SHTN1: variants seen among roughly 807,000 people sequenced by gnomAD.
SHTN1 encodes shootin-1.
SHTN1 carries 42 observed loss-of-function variants against 83.1 expected under a neutral mutation model. The ratio of observed to expected loss-of-function variants is 0.51; its 90% CI spans 0.39 to 0.65. The LOEUF (loss-of-function observed/expected upper bound fraction) is 0.65, where lower values mean the gene tolerates loss of function less well. SHTN1 is among the 30% of genes least tolerant of loss of function. The pLI is 0.00. For synonymous variants in SHTN1, 224 were observed against 247.7 expected (o/e 0.90, Z 0.90); for missense variants, 622 against 737.8 (o/e 0.84, Z 1.82).
At chr10:116,952,535 G>C (rs1190156941) in intron 5 of SHTN1, among the ~76,000 whole-genome samples, 1 of 152,138 alleles carries the variant, frequency 6.6e-6, no homozygotes, top group East Asian at 1.9e-4. Flanking sequence ...GTTAATTCTA[G>C]TAATTTTCTC....
chr10:116,938,204 T>C (rs1461097064), intron 9 of SHTN1, among the ~76,000 whole-genome samples: 1 of 152,078 alleles, frequency 6.6e-6, no homozygotes, highest in African/African-American at 2.4e-5. Flanking sequence ...TTTTGCTCCC[T>C]TGCTGGCGAG....
chr10:117,093,614 C>T (rs912375798), intron 1 of SHTN1, among the ~76,000 whole-genome samples: 3 of 152,104 alleles, frequency 2.0e-5, no homozygotes, highest in Admixed American at 6.5e-5. Context: ...ATTCAAACTC[C>T]GATCTACCCA....
chr10:116,975,699 C>A (rs1211351259), intron 2 of SHTN1, among the ~76,000 whole-genome samples: 2 of 150,408 alleles, frequency 1.3e-5, no homozygotes, highest in African/African-American at 2.4e-5. Context: ...GGAAGAACTG[C>A]AAAAAAAAGA....
At chr10:116,993,437 C>G (rs1316884191) in intron 1 of SHTN1, among the ~76,000 whole-genome samples, 1 of 151,948 alleles carries the variant, frequency 6.6e-6, no homozygotes, top group Non-Finnish European at 1.5e-5. Context: ...CTTAAAACTC[C>G]AAAGATATAG....
chr10:116,939,017 C>G (rs904045810), intron 9 of SHTN1, among the ~76,000 whole-genome samples: 1 of 152,212 alleles, frequency 6.6e-6, no homozygotes, highest in South Asian at 2.1e-4. Flanking sequence ...CCCTGCCCCC[C>G]ACCAAGCTCG....
intron 1 of SHTN1, among the ~76,000 whole-genome samples, chr10:116,998,909 C>CAT (rs201858115): frequency 2.7e-4 from 41 of 151,974 alleles, no homozygotes; most frequent in Admixed American, 6.6e-4. Flanking sequence ...TATATACCAA[C>CAT]ATATATATAT....
chr10:116,982,090 G>A (rs931835196), intron 1 of SHTN1, among the ~76,000 whole-genome samples: 3 of 152,118 alleles, frequency 2.0e-5, no homozygotes, highest in African/African-American at 7.2e-5. Flanking sequence ...AGAAACCCAT[G>A]ATCTTATATT....
chr10:117,102,278 C>T (rs1853605057), intron 1 of SHTN1, among the ~76,000 whole-genome samples: 1 of 152,076 alleles, frequency 6.6e-6, no homozygotes, highest in South Asian at 2.1e-4. Flanking sequence ...TCCTGCAAAC[C>T]AAATCTCAAA....
chr10:116,922,501 T>C (rs1848600293), intron 11 of SHTN1, among the ~76,000 whole-genome samples: 1 of 152,144 alleles, frequency 6.6e-6, no homozygotes, highest in Admixed American at 6.5e-5. Flanking sequence ...CCAGAATACA[T>C]GAACAAGAAT....
At chr10:117,045,114 C>T (rs1333046492) in intron 2 of SHTN1, among the ~76,000 whole-genome samples, 2 of 152,074 alleles carry the variant, frequency 1.3e-5, no homozygotes, top group Admixed American at 6.6e-5. Flanking sequence ...TGTATTATTT[C>T]TGAACTAGGC....
intron 11 of SHTN1, among the ~76,000 whole-genome samples, chr10:116,926,549 A>G (rs1394427534): frequency 6.6e-6 from 1 of 152,234 alleles, no homozygotes; most frequent in Non-Finnish European, 1.5e-5. Context: ...TCAGTAAGGA[A>G]AACTAATGAG....
intron 2 of SHTN1, among the ~76,000 whole-genome samples, chr10:117,041,153 T>A (rs1277997715): frequency 6.6e-6 from 1 of 151,620 alleles, no homozygotes; most frequent in Non-Finnish European, 1.5e-5. Context: ...TACTTATTTC[T>A]GCAGCAAGCT....
intron 1 of SHTN1, among the ~76,000 whole-genome samples, chr10:117,078,298 G>T (rs541493857): frequency 1.8e-4 from 28 of 152,266 alleles, no homozygotes; most frequent in Non-Finnish European, 3.5e-4. Context: ...TACAAGGATG[G>T]TGGCTCCTGT....
chr10:116,921,734 A>G (rs1341621121), intron 11 of SHTN1, among the ~76,000 whole-genome samples: 4 of 152,212 alleles, frequency 2.6e-5, no homozygotes, highest in Non-Finnish European at 5.9e-5. Context: ...TGGAGAGAGT[A>G]CACTACTATA....
In SHTN1 at chr10:117,065,679, C is replaced by A. The variant is rs150578150; in HGVS notation, c.-188-17169G>T. Among the ~76,000 whole-genome samples, 287 of 145,962 alleles carry A rather than the reference C, an allele frequency of 2.0e-3. 8 individuals are homozygous for A. In the East Asian group the frequency reaches 0.054, roughly 27 times the overall value. ...GTTGCAGTGAACCAAGATAGCACCACTGCAGTCTAGCCTGGGCAACAAAGC... is the reference window on the plus strand; with the variant it reads ...GTTGCAGTGAACCAAGATAGCACCAATGCAGTCTAGCCTGGGCAACAAAGC... On this transcript the variant is annotated intron_variant, in intron 1 of 17. Coordinates refer to the SHTN1 transcript ENST00000392901.
intron 1 of SHTN1, among the ~76,000 whole-genome samples, chr10:117,092,554 GGAA>G (rs760714687): frequency 1.3e-5 from 2 of 152,174 alleles, no homozygotes; most frequent in African/African-American, 2.4e-5. Flanking sequence ...AAAACAAAGG[GGAA>G]GAAGAAGGCA....
At chr10:117,013,345 T>G (rs527281424) in intron 2 of SHTN1, among the ~76,000 whole-genome samples, 237 of 152,236 alleles carry the variant, frequency 1.6e-3, no homozygotes, top group Admixed American at 1.4e-3. Flanking sequence ...ACCTAATTTT[T>G]GTATTTTTAG....
At chr10:116,985,242 G>C (rs1250037390) in intron 1 of SHTN1, among the ~76,000 whole-genome samples, 4 of 152,154 alleles carry the variant, frequency 2.6e-5, no homozygotes, top group Admixed American at 2.6e-4. Context: ...ATGAATGAAT[G>C]GTTCGTGTAA....
chr10:116,961,065 C>T (rs1249241352), intron 3 of SHTN1, among the ~76,000 whole-genome samples: 2 of 151,714 alleles, frequency 1.3e-5, no homozygotes, highest in East Asian at 3.9e-4. Flanking sequence ...TAAATGAAAA[C>T]TCTCAGAATC....
Sources: gnomAD v4.1 joint callset for allele counts (sites outside exome capture counted in the v4.1 genomes callset) on GRCh38, gnomAD v4.1.1 for gene constraint, MANE v1.5 for transcripts, NCBI Gene and HGNC (gene_info 2026-07-23, HGNC 2026-07-21) for gene names.